Variants in ACOX3 observed in about 807,000 individuals in gnomAD.
The protein encoded by ACOX3 is peroxisomal acyl-coenzyme A oxidase 3.
Under a neutral mutation model 81.5 loss-of-function variants are expected in ACOX3, and 73 were observed. That is an observed-to-expected ratio of 0.90 (90% CI 0.74 to 1.09). The LOEUF is 1.09. ACOX3 is among the 50% of genes least tolerant of loss of function. The pLI, the probability that ACOX3 is intolerant of heterozygous loss-of-function variation, is 0.00. For missense variants in ACOX3, 947 were observed against 928.0 expected (o/e 1.02, Z -0.27); for synonymous variants, 387 against 375.1 (o/e 1.03, Z -0.37).
intron 1 of ACOX3, among the ~76,000 whole-genome samples, chr4:8,434,543 G>A (rs1196586103): frequency 6.6e-6 from 1 of 152,390 alleles, no homozygotes; most frequent in South Asian, 2.1e-4. Context: ...TGCCCCCGTG[G>A]AATGCCTCGT....
chr4:8,440,714 A>C lies in ACOX3; in HGVS notation c.-81T>G, dbSNP rs1042434906. On this transcript the variant is annotated 5_prime_UTR_variant, in exon 1 of 18. It removes an upstream start codon present in the reference 5' UTR. Coordinates refer to ENST00000356406, the MANE Select transcript of ACOX3 (RefSeq NM_003501.3). ...GCAGGAAAGGATCTCCAGCGGCGCC[A>C]TTCTCATTTCCGGTCCCAGCACCCC... 21 of 1,306,690 alleles carry C rather than the reference A, an allele frequency of 1.6e-5. No homozygotes were observed. The Admixed American group carries it at 6.5e-4, about 40-fold the overall frequency. 80.9% of individuals were successfully genotyped at this position (1,306,690 alleles called of 1,614,324 possible).
chr4:8,406,542 C>A lies in ACOX3; in HGVS notation c.688-499G>T, dbSNP rs569550799. Among the ~76,000 whole-genome samples the A allele has an allele frequency of 6.7e-6, 1 of 149,126 alleles. No individual in the cohort carries two copies. The highest frequency in any genetic ancestry group is 1.5e-5 in the Non-Finnish European group (1 of 67,942). On this transcript the variant is annotated intron_variant, in intron 6 of 17. Transcript: ENST00000356406. The surrounding 1 kb of genome is among the most constrained non-coding windows in gnomAD (Gnocchi z 5.6). Reference sequence around the variant, plus strand: ...ACCACTACCACCAAGACACGGAGACCGGTAGTGGCCCCGAAGGCCAGGCTG... The same window carrying A: ...ACCACTACCACCAAGACACGGAGACAGGTAGTGGCCCCGAAGGCCAGGCTG...
At chr4:8,374,835 G>T in intron 15 of ACOX3, 143 bp downstream of exon 15, 2 of 894,776 alleles carry the variant, frequency 2.2e-6, no homozygotes, top group Non-Finnish European at 3.2e-6. Context: ...ATGGAACTGG[G>T]CTTCTCATCT....
chr4:8,411,138 G>T (rs566229198), intron 5 of ACOX3, among the ~76,000 whole-genome samples: 13 of 152,194 alleles, frequency 8.5e-5, no homozygotes, highest in Non-Finnish European at 1.9e-4. Context: ...TAATGTGGCC[G>T]GGATCCGCAA....
chr4:8,411,847 A>G (rs1721760703), intron 5 of ACOX3, among the ~76,000 whole-genome samples: 2 of 152,240 alleles, frequency 1.3e-5, no homozygotes, highest in Admixed American at 1.3e-4. Context: ...CCAGTCTTGG[A>G]AAGCTGTGCC....
downstream of ACOX3, among the ~76,000 whole-genome samples, chr4:8,364,514 G>A (rs55727136): frequency 1.1e-5 from 1 of 93,946 alleles, no homozygotes; most frequent in Non-Finnish European, 2.4e-5. The surrounding 1 kb of genome is among the most constrained non-coding windows in gnomAD (Gnocchi z 5.0). Context: ...TGGTGACATC[G>A]TGGCATCGCA....
chr4:8,387,376 TCTCA>T (rs1177702091), intron 13 of ACOX3, among the ~76,000 whole-genome samples: 2 of 152,046 alleles, frequency 1.3e-5, no homozygotes, highest in African/African-American at 4.8e-5. Flanking sequence ...CTGACGTCTC[TCTCA>T]CTCAGGAAGG....
chr4:8,433,029 A>C (rs980020183), intron 1 of ACOX3, among the ~76,000 whole-genome samples: 10 of 152,228 alleles, frequency 6.6e-5, no homozygotes, highest in Admixed American at 6.5e-4. Context: ...ATTATCACAG[A>C]AAGTCCTACA....
At position 8,415,911 on chromosome 4, in the gene ACOX3, T is replaced by C; in HGVS notation, c.233A>G (p.Asn78Ser). 2 of 1,614,164 alleles carry C rather than the reference T, an allele frequency of 1.2e-6. No homozygotes were observed. Among genetic ancestry groups the C allele is most frequent in the Non-Finnish European group, 1.7e-6 (2 of 1,180,022 alleles). Residue 78 changes from asparagine to serine, a missense_variant, in exon 3 of 18, where the codon AAC becomes AGC. Physicochemically the swap from Asn to Ser is conservative, Grantham distance 46 (BLOSUM62 1). Transcript: ENST00000356406. ...DLSLEKYREL[N>S]FLRCKRIFEY... ...GAAGATCCGCTTGCATCGAAGGAAGTTCAGCTCGCGATACTTCTCCAAGGA... is the reference window on the plus strand; with the variant it reads ...GAAGATCCGCTTGCATCGAAGGAAGCTCAGCTCGCGATACTTCTCCAAGGA...
At position 8,419,998 on chromosome 4, in the gene ACOX3, A is replaced by G. The variant is rs929104444; in HGVS notation, c.-14-3463T>C. Among the ~76,000 whole-genome samples, 1 of 152,200 alleles carries G rather than the reference A, an allele frequency of 6.6e-6. No individual in the cohort carries two copies. Among genetic ancestry groups the G allele is most frequent in the African/African-American group, 2.4e-5 (1 of 41,448 alleles). On this transcript the variant is annotated intron_variant, in intron 1 of 17. Transcript: ENST00000356406. This position sits in a 1 kb window ranked among gnomAD's most constrained non-coding sequence, Gnocchi z 4.2. ...TGATAAAACCCTCATAACAACCTCC[A>G]GTTACTGAGCTGGTGCTGTGTGCAG...
At chr4:8,378,068 C>T (rs186154054) in intron 14 of ACOX3, among the ~76,000 whole-genome samples, 3 of 152,258 alleles carry the variant, frequency 2.0e-5, no homozygotes, top group East Asian at 1.9e-4. Flanking sequence ...TTCTCAGGCT[C>T]GATGCAGCTA....
rs1436317757 is a variant in ACOX3, at chr4:8,375,070, G to C, written c.1736C>G (p.Ser579Cys). ...CACGGCCCGCAGCGAGGGCGGCACG[G>C]AAGGCTGGTGCACGTGCTCGTGGAA... ...QRFHEHVHQP[S>C]VPPSLRAVLG... Residue 579 changes from serine to cysteine, a missense_variant, in exon 15 of 18, where the codon TCC (serine) becomes TGC (cysteine). Ser to Cys is a moderately radical substitution (Grantham distance 112). Transcript: ENST00000356406. 1.3e-6 allele frequency: 2 copies of C among 1,554,630 alleles called. No homozygotes were observed. Among genetic ancestry groups the C allele is most frequent in the Non-Finnish European group, 1.7e-6 (2 of 1,148,892 alleles).
chr4:8,372,968 G>A lies in ACOX3; in HGVS notation c.1896+593C>T, dbSNP rs150878710. Reference sequence around the variant, plus strand: ...GCCGCCTTCCCCCAACCCAGCGGCTGCCGTGCTAAACAGCACAGCACTGCA... The same window carrying A: ...GCCGCCTTCCCCCAACCCAGCGGCTACCGTGCTAAACAGCACAGCACTGCA... On this transcript the variant is annotated intron_variant, in intron 16 of 17. Transcript: ENST00000356406. Among the ~76,000 whole-genome samples, 411 of 152,304 alleles carry A rather than the reference G, an allele frequency of 2.7e-3. 2 individuals are homozygous for A. Among genetic ancestry groups the A allele is most frequent in the African/African-American group, 9.6e-3 (397 of 41,558 alleles).
At chr4:8,367,580 TTTTC>T (rs1165649601) in intron 17 of ACOX3, among the ~76,000 whole-genome samples, 5 of 152,098 alleles carry the variant, frequency 3.3e-5, no homozygotes, top group East Asian at 1.9e-4. Flanking sequence ...TATATGAATA[TTTTC>T]TTTTTTTTTC....
At chr4:8,380,831 G>T (rs1048530885) in intron 14 of ACOX3, among the ~76,000 whole-genome samples, 2 of 152,202 alleles carry the variant, frequency 1.3e-5, no homozygotes, top group Admixed American at 6.5e-5. Context: ...AGCCAAGAGT[G>T]CTCATGGCAC....
chr4:8,400,771 A>G lies in ACOX3; in HGVS notation c.777-1119T>C, dbSNP rs541651311. Among the ~76,000 whole-genome samples the G allele has an allele frequency of 2.6e-5, 4 of 152,274 alleles. No homozygotes were observed. The highest frequency in any genetic ancestry group is 6.5e-5 in the Admixed American group (1 of 15,276). On this transcript the variant is annotated intron_variant, in intron 7 of 17. Transcript: ENST00000356406. The surrounding 1 kb of genome is among the most constrained non-coding windows in gnomAD (Gnocchi z 4.4). The stretch of plus-strand genomic sequence containing the variant: ...CAATGCCTTAGGGCAGCAGTCCGCA[A>G]CCTTTTTGGCACCAGGGACCGGTTT...
intron 16 of ACOX3, among the ~76,000 whole-genome samples, chr4:8,371,982 G>A (rs146913079): frequency 3.9e-4 from 59 of 152,364 alleles, no homozygotes; most frequent in African/African-American, 1.4e-3. Flanking sequence ...TGGATGGCTG[G>A]CAACTTCTCC....
the ACOX3 span, chr4:8,356,766 C>A: frequency 4.4e-6 from 2 of 455,756 alleles, no homozygotes; most frequent in Admixed American, 2.4e-5. Flanking sequence ...TGCACGCCAA[C>A]ATGATCCCAG....
intron 8 of ACOX3, among the ~76,000 whole-genome samples, chr4:8,398,121 G>A (rs765964262): frequency 2.6e-5 from 4 of 152,192 alleles, no homozygotes; most frequent in Non-Finnish European, 5.9e-5. Flanking sequence ...AGCTGAGATC[G>A]TGCTGTTGCA....
Sources: allele counts gnomAD v4.1 joint callset (sites outside exome capture counted in the v4.1 genomes callset), GRCh38; gene constraint gnomAD v4.1.1; non-coding constraint Gnocchi (gnomAD v3.1); transcripts MANE v1.5; gene names NCBI Gene and HGNC (gene_info 2026-07-23, HGNC 2026-07-21).